AMMECR1: variants seen among roughly 807,000 people sequenced by gnomAD.
AMMECR1 encodes AMMECR nuclear protein 1, also known as nuclear protein AMMECR1.
In AMMECR1, 3 loss-of-function variants were observed where a neutral mutation model predicts 22.5. That is an observed-to-expected ratio of 0.13 (90% confidence interval 0.06 to 0.35). The LOEUF (loss-of-function observed/expected upper bound fraction) is 0.35. Ranked by LOEUF, AMMECR1 falls within the 10% of genes least tolerant of loss-of-function variation. The pLI is 1.00. For synonymous variants in AMMECR1, 130 were observed against 116.7 expected, an observed-to-expected ratio of 1.11 and a Z score of -0.74; for missense variants, 235 against 278.7, an observed-to-expected ratio of 0.84 and a Z score of 1.12.
intron 2 of AMMECR1, among the ~76,000 whole-genome samples, chrX:110,419,467 C>A (rs2068702115): frequency 8.9e-6 from 1 of 112,445 alleles, no homozygotes; most frequent in Admixed American, 9.4e-5. Context: ...GCTTCCTTAA[C>A]CCCATTTACT....
In AMMECR1 at chrX:110,195,807, C is replaced by T. The variant is rs1031497737; in HGVS notation, c.*2713G>A. The stretch of plus-strand genomic sequence containing the variant: ...CACATAATTAACAGCTTTGTATATA[C>T]GACAAAGGTGAAAGGGTCTAGCATT... On this transcript the variant is annotated 3_prime_UTR_variant, in exon 6 of 6. Transcript: ENST00000262844. The T allele has an allele frequency of 8.9e-6, 1 of 112,258 alleles. No homozygotes were observed. The highest frequency in any genetic ancestry group is 3.2e-5 in the African/African-American group (1 of 30,945). The allele number at this position is 112,258 out of a possible 1,213,427, so 9.3% of individuals were successfully genotyped here.
intron 1 of AMMECR1, among the ~76,000 whole-genome samples, chrX:110,293,447 C>A (rs2067919122): frequency 9.0e-6 from 1 of 111,484 alleles, no homozygotes; most frequent in East Asian, 2.8e-4. Flanking sequence ...ATCTAGCATT[C>A]TGAGTTCTCC....
chrX:110,405,111 T>G (rs1221358142), intron 2 of AMMECR1, among the ~76,000 whole-genome samples: 1 of 88,779 alleles, frequency 1.1e-5, no homozygotes, highest in African/African-American at 4.2e-5. Flanking sequence ...CAAGCATGAG[T>G]CAGAGCCTTT....
chrX:110,354,393 A>G (rs1355871943), intron 2 of AMMECR1, among the ~76,000 whole-genome samples: 1 of 112,195 alleles, frequency 8.9e-6, no homozygotes, highest in African/African-American at 3.2e-5. Context: ...TTTAAACAAT[A>G]TAGTATAAGA....
chrX:110,417,358 G>C (rs1280845584), intron 2 of AMMECR1, among the ~76,000 whole-genome samples: 5 of 112,406 alleles, frequency 4.4e-5, no homozygotes, highest in Admixed American at 2.8e-4. Context: ...TTTATTGTGG[G>C]TCTGCCAGCT....
At chrX:110,330,549 A>AT (rs1569408654) in intron 2 of AMMECR1, among the ~76,000 whole-genome samples, 1 of 112,290 alleles carries the variant, frequency 8.9e-6, no homozygotes, top group Non-Finnish European at 1.9e-5. Flanking sequence ...TGGCTCTAAT[A>AT]ATGAAAAATT....
intron 2 of AMMECR1, among the ~76,000 whole-genome samples, chrX:110,408,431 G>A (rs2068617935): frequency 8.9e-6 from 1 of 112,581 alleles, no homozygotes; most frequent in Admixed American, 9.3e-5. Context: ...CTTGCAAAAT[G>A]AAAAATAGTC....
At chrX:110,355,678 C>T (rs1388187088) in intron 2 of AMMECR1, among the ~76,000 whole-genome samples, 1 of 111,262 alleles carries the variant, frequency 9.0e-6, no homozygotes, top group Non-Finnish European at 1.9e-5. Context: ...ATAAAGGTTC[C>T]TCAAAAAACT....
chrX:110,239,172 A>C (rs2067617374), intron 2 of AMMECR1, among the ~76,000 whole-genome samples: 1 of 111,656 alleles, frequency 9.0e-6, no homozygotes. Flanking sequence ...CCTCGCCAAC[A>C]AGGGAACAAA....
At chrX:110,375,560 G>C (rs73636961) in intron 2 of AMMECR1, among the ~76,000 whole-genome samples, 5,217 of 103,510 alleles carry the variant, frequency 0.05, 231 homozygotes, top group African/African-American at 0.15. Context: ...ATGAATGAAT[G>C]AATCAATCAA....
intron 2 of AMMECR1, among the ~76,000 whole-genome samples, chrX:110,395,189 C>T (rs998971840): frequency 8.9e-6 from 1 of 112,141 alleles, no homozygotes; most frequent in Non-Finnish European, 1.9e-5. Context: ...CTCTAAATTC[C>T]GAGGGTGCCC....
chrX:110,322,713 A>G (rs1235094885), upstream of AMMECR1, among the ~76,000 whole-genome samples: 4 of 112,000 alleles, frequency 3.6e-5, no homozygotes, highest in Non-Finnish European at 5.6e-5. Context: ...TCTGATCCCT[A>G]TAACCTCTGC....
chrX:110,339,057 C>G (rs1265653553), intron 2 of AMMECR1, among the ~76,000 whole-genome samples: 3 of 111,606 alleles, frequency 2.7e-5, no homozygotes, highest in African/African-American at 9.8e-5. Context: ...CCTAAGGAGG[C>G]TGGGACCTTT....
intron 1 of AMMECR1, among the ~76,000 whole-genome samples, chrX:110,428,281 T>C (rs994666705): frequency 8.9e-5 from 10 of 111,884 alleles, no homozygotes; most frequent in Admixed American, 4.7e-4. Flanking sequence ...AAATGTAATC[T>C]GATCCTAGCC....
At chrX:110,429,124 C>A (rs1224728606) in intron 1 of AMMECR1, among the ~76,000 whole-genome samples, 1 of 112,153 alleles carries the variant, frequency 8.9e-6, no homozygotes, top group Non-Finnish European at 1.9e-5. Flanking sequence ...TCCTACTGTT[C>A]CAGACCACAG....
At chrX:110,333,204 A>G (rs143325288) in intron 2 of AMMECR1, among the ~76,000 whole-genome samples, 1 of 111,848 alleles carries the variant, frequency 8.9e-6, no homozygotes, top group African/African-American at 3.2e-5. Flanking sequence ...CATGAGGGAG[A>G]TTGAATTTTT....
chrX:110,309,341 A>G (rs750602961), intron 1 of AMMECR1: 8 of 112,375 alleles, frequency 7.1e-5, no homozygotes, highest in African/African-American at 1.9e-4. Context: ...ATATGTTACT[A>G]AAGTTGTATG....
At chrX:110,432,288 G>A (rs763967252) in intron 1 of AMMECR1, among the ~76,000 whole-genome samples, 101 of 112,225 alleles carry the variant, frequency 9.0e-4, no homozygotes, top group Non-Finnish European at 1.4e-3. Flanking sequence ...GCAAGACGGG[G>A]AGCCACATGG....
At chrX:110,289,340 T>C (rs1340374304) in intron 1 of AMMECR1, among the ~76,000 whole-genome samples, 1 of 111,284 alleles carries the variant, frequency 9.0e-6, no homozygotes, top group Non-Finnish European at 1.9e-5. Flanking sequence ...GAGGCAAGGA[T>C]ATTACTATTT....
Sources: allele counts gnomAD v4.1 joint callset (sites outside exome capture counted in the v4.1 genomes callset), GRCh38; gene constraint gnomAD v4.1.1; transcripts MANE v1.5; gene names NCBI Gene and HGNC (gene_info 2026-07-23, HGNC 2026-07-21).